The following PARP1 variants were observed in gnomAD, a reference collection of about 807,000 sequenced individuals.
The protein encoded by PARP1 is poly [ADP-ribose] polymerase 1.
In PARP1, 44 loss-of-function variants were observed where a neutral mutation model predicts 118.7. The observed-to-expected ratio is 0.37, with a 90% CI of 0.29 to 0.48. The LOEUF (loss-of-function observed/expected upper bound fraction) is 0.48. Among genes scored for constraint, PARP1 ranks in the 20% least tolerant of loss-of-function variants. The pLI, the probability that PARP1 is intolerant of heterozygous loss-of-function variation, is 0.99. For missense variants in PARP1, 1,100 were observed against 1,272.4 expected (o/e 0.86, Z 2.06); for synonymous variants, 492 against 483.2 (o/e 1.02, Z -0.24).
At chr1:226,365,488 C>G (rs1477964687) in intron 18 of PARP1, among the ~76,000 whole-genome samples, 1 of 152,236 alleles carries the variant, frequency 6.6e-6, no homozygotes, top group Non-Finnish European at 1.5e-5. Flanking sequence ...CCCCAAACTA[C>G]TGTATAAGAC....
At chr1:226,368,108 G>A (rs977911108) in intron 16 of PARP1, 91 bp downstream of exon 16, 7 of 1,546,594 alleles carry the variant, frequency 4.5e-6, no homozygotes, top group African/African-American at 1.4e-5. Context: ...CATTGGTGCT[G>A]CCCTCAGGGA....
chr1:226,365,168 T>C lies in PARP1; in HGVS notation c.2506-14A>G. The C allele has an allele frequency of 6.2e-7, 1 of 1,614,002 alleles. No homozygotes were observed. The highest frequency in any genetic ancestry group is 8.5e-7 in the Non-Finnish European group (1 of 1,179,952). ...TATCTTAAAGATCTGGTTGGAGTAG[T>C]AAACAAAGGGAAGGACAAAAGAAGC... On this transcript the variant is annotated splice_polypyrimidine_tract_variant and intron_variant, in intron 18 of 22. Coordinates refer to ENST00000366794, the MANE Select transcript of PARP1 (RefSeq NM_001618.4).
rs1221905479 is a variant in PARP1 at position 226,389,690 on chromosome 1, T to C, written c.617+720A>G. Among the ~76,000 whole-genome samples the C allele has an allele frequency of 5.9e-5, 9 of 152,194 alleles. 1 individual carries two copies. Among genetic ancestry groups the C allele is most frequent in the Non-Finnish European group, 1.2e-4 (8 of 68,034 alleles). On this transcript the variant is annotated intron_variant, in intron 4 of 22. Coordinates refer to ENST00000366794, the MANE Select transcript of PARP1 (RefSeq NM_001618.4). Reference sequence around the variant, plus strand: ...TTTTCTTCCACATTCTAGAGCCCCATGTGCTGCTGCAATGAACAGGCGTTA... The same window carrying C: ...TTTTCTTCCACATTCTAGAGCCCCACGTGCTGCTGCAATGAACAGGCGTTA...
In PARP1 at chr1:226,386,297, G is replaced by A. The variant is rs1343913068; in HGVS notation, c.834+29C>T. 4.4e-6 allele frequency: 6 copies of A among 1,368,456 alleles called. No individual in the cohort carries two copies. In the South Asian group the frequency reaches 4.6e-5, roughly 11 times the overall value. The allele number at this position is 1,368,456 out of a possible 1,614,324, so 84.8% of individuals were successfully genotyped here. Reference sequence around the variant, plus strand: ...CAACGACGGGGTCGGCCTCACATGCGTGTCCCACTTAACACAAAGGCAGCT... The same window carrying A: ...CAACGACGGGGTCGGCCTCACATGCATGTCCCACTTAACACAAAGGCAGCT... On this transcript the variant is annotated intron_variant, in intron 6 of 22. Transcript: ENST00000366794.
chr1:226,374,723 G>C (rs766420102), intron 13 of PARP1, among the ~76,000 whole-genome samples: 1 of 152,182 alleles, frequency 6.6e-6, no homozygotes, highest in African/African-American at 2.4e-5. Context: ...GCAAACTTTG[G>C]AGCAATGGGA....
Position 226,365,109 on chromosome 1 carries a change from A to G in PARP1, c.2551T>C (p.Phe851Leu). 6.2e-7 allele frequency: 1 copy of G among 1,614,214 alleles called. No homozygotes were observed. The highest frequency in any genetic ancestry group is 8.5e-7 in the Non-Finnish European group (1 of 1,180,032). Residue 851 changes from phenylalanine to leucine, a missense_variant, in exon 19 of 23, where the codon TTT (phenylalanine) becomes CTT (leucine). Transcript: ENST00000366794. ...AATCTTCGGTTATGAAGCTGCTTAA[A>G]GGGCTTGTAACGCTGGCATTCGCCT... ...REGECQRYKP[F>L]KQLHNRRLLW...
chr1:226,367,673 G>A, intron 16 of PARP1, 65 bp from the exon 17 acceptor site: 1 of 1,596,174 alleles, frequency 6.3e-7, no homozygotes. Flanking sequence ...TCACCCAGGT[G>A]GCAGAGAAAA....
chr1:226,406,226 G>A (rs1665144367), intron 1 of PARP1, among the ~76,000 whole-genome samples: 1 of 152,138 alleles, frequency 6.6e-6, no homozygotes, highest in Non-Finnish European at 1.5e-5. Context: ...TTACATTTAT[G>A]ATTAGAGGAA....
chr1:226,382,553 G>A (rs760674915), intron 8 of PARP1, among the ~76,000 whole-genome samples: 1 of 152,144 alleles, frequency 6.6e-6, no homozygotes, highest in Non-Finnish European at 1.5e-5. Context: ...TAGAGATAGG[G>A]TATCACTCCA....
intron 2 of PARP1, among the ~76,000 whole-genome samples, chr1:226,399,947 G>A (rs976419226): frequency 4.0e-5 from 6 of 151,024 alleles, no homozygotes; most frequent in African/African-American, 1.5e-4. Context: ...AGCTTACGGT[G>A]AGCCGAGATC....
intron 17 of PARP1, chr1:226,366,934 T>TTAAA: frequency 5.3e-6 from 1 of 188,374 alleles, no homozygotes; most frequent in Non-Finnish European, 1.1e-5. Flanking sequence ...CCGGGCCATC[T>TTAAA]AGAAGCTGAG....
chr1:226,378,682 A>AT (rs1664540504), intron 12 of PARP1, among the ~76,000 whole-genome samples: 1 of 152,230 alleles, frequency 6.6e-6, no homozygotes, highest in East Asian at 1.9e-4. Context: ...GCCCGTCTCC[A>AT]TAAAAAATAA....
At chr1:226,374,174 A>G in intron 14 of PARP1, 52 bp downstream of exon 14, 1 of 1,607,806 alleles carries the variant, frequency 6.2e-7, no homozygotes, top group South Asian at 1.1e-5. Context: ...CTAGCTCAGC[A>G]AATAATCATC....
At chr1:226,398,606 T>C (rs1053157933) in intron 2 of PARP1, among the ~76,000 whole-genome samples, 3 of 150,786 alleles carry the variant, frequency 2.0e-5, no homozygotes, top group African/African-American at 7.3e-5. Flanking sequence ...AATAAACGTA[T>C]GAGAAGATGT....
intron 14 of PARP1, 38 bp from the exon 15 acceptor site, chr1:226,370,555 C>G: frequency 6.5e-7 from 1 of 1,527,800 alleles, no homozygotes; most frequent in Non-Finnish European, 9.1e-7. Flanking sequence ...AAGCTGGGCA[C>G]TGTGCAGTGT....
intron 14 of PARP1, among the ~76,000 whole-genome samples, chr1:226,371,790 T>G (rs1664386907): frequency 6.6e-6 from 1 of 152,260 alleles, no homozygotes; most frequent in Non-Finnish European, 1.5e-5. Context: ...TTTTCCACGC[T>G]GTATAATTCT....
rs752552549 is a variant in PARP1, at chr1:226,363,145, G to A, written c.2802C>T (p.His934=). ...TGGGTAACTTGCTGATATGTGAAGC[G>A]TGCTTCAGTTCATACCTATTCAAAA... is the stretch of plus-strand genomic sequence containing the variant. ...VALGNMYELK[H]ASHISKLPKG... Residue 934 remains histidine, a synonymous_variant, in exon 21 of 23, where the codon CAC becomes CAT. Transcript: ENST00000366794. The A allele has an allele frequency of 7.4e-6, 12 of 1,612,428 alleles. No homozygotes were observed. The highest frequency in any genetic ancestry group is 4.5e-5 in the East Asian group (2 of 44,876).
Position 226,377,990 on chromosome 1 carries a change from G to T in PARP1, c.1746-687C>A, listed in dbSNP as rs3219085. 6.6e-3 allele frequency among the ~76,000 whole-genome samples: 1,004 copies of T among 152,186 alleles called. 14 individuals carry two copies. Among genetic ancestry groups the T allele is most frequent in the African/African-American group, 0.023 (953 of 41,510 alleles). On this transcript the variant is annotated intron_variant, in intron 12 of 22. Coordinates refer to ENST00000366794, the MANE Select transcript of PARP1 (RefSeq NM_001618.4). ...TAAAGATAGAACTACAGATTTCAAA[G>T]AAAATTTGGGACTCCCTGGCCATTC...
At chr1:226,396,427 A>G (rs1182977437) in intron 2 of PARP1, among the ~76,000 whole-genome samples, 1 of 151,612 alleles carries the variant, frequency 6.6e-6, no homozygotes, top group Non-Finnish European at 1.5e-5. Flanking sequence ...AAAAAAAAAA[A>G]TCAAGTAAGA....
Sources: gnomAD v4.1 joint callset for allele counts (sites outside exome capture counted in the v4.1 genomes callset) on GRCh38, gnomAD v4.1.1 for gene constraint, MANE v1.5 for transcripts, NCBI Gene and HGNC (gene_info 2026-07-23, HGNC 2026-07-21) for gene names.